TRNAU1AP: variants seen among roughly 807,000 people sequenced by gnomAD.
TRNAU1AP encodes tRNA selenocysteine 1-associated protein 1.
A neutral mutation model predicts 43.3 loss-of-function variants in TRNAU1AP; 33 were observed. That is an observed-to-expected ratio of 0.76 (90% CI 0.58 to 1.02). TRNAU1AP has a LOEUF of 1.02. TRNAU1AP is among the 50% of genes least tolerant of loss of function. The probability of loss-of-function intolerance (pLI) is 0.00; values close to 1 mark genes in which losing one functional copy is unlikely to be tolerated. For missense variants in TRNAU1AP, 290 were observed against 362.7 expected (o/e 0.80, Z 1.63); for synonymous variants, 143 against 129.1 (o/e 1.11, Z -0.73).
chr1:28,577,433 G>A, intron 8 of TRNAU1AP, 67 bp from the exon 9 acceptor site: 2 of 1,559,120 alleles, frequency 1.3e-6, no homozygotes, highest in Non-Finnish European at 1.7e-6. Flanking sequence ...CTGGGAGAAG[G>A]GAACTGAACC....
rs1489447971 is a variant in TRNAU1AP at position 28,561,374 on chromosome 1, C to T, written c.254C>T (p.Thr85Ile). 5 of 1,614,074 alleles carry T rather than the reference C, an allele frequency of 3.1e-6. No individual in the cohort carries two copies. In the African/African-American group the frequency reaches 6.7e-5, roughly 22 times the overall value. ...PAKRFKLNYA[T>I]YGKQPDNSPE... is the part of the protein sequence containing the mutation. ...AAACGTTTTAAACTGAACTATGCCA[C>T]TTACGGGAAACAACCAGATAACAGG... Residue 85 changes from threonine to isoleucine, a missense_variant, in exon 4 of 9, where the codon ACT becomes ATT. Around this residue, in one of 3 missense-constraint regions of TRNAU1AP, gnomAD observed 174 missense variants for 262.1 expected, o/e 0.66. Coordinates refer to ENST00000373830, the MANE Select transcript of TRNAU1AP (RefSeq NM_017846.5).
intron 5 of TRNAU1AP, 127 bp from the exon 6 acceptor site, chr1:28,567,167 T>G: frequency 1.0e-6 from 1 of 1,002,512 alleles, no homozygotes; most frequent in Non-Finnish European, 1.5e-6. Context: ...GGACTCTCTC[T>G]TTCTCTTCTC....
At chr1:28,564,266 G>GA (rs1665485720) in intron 4 of TRNAU1AP, among the ~76,000 whole-genome samples, 2 of 151,972 alleles carry the variant, frequency 1.3e-5, no homozygotes, top group South Asian at 4.1e-4. Flanking sequence ...CTCCATCTCA[G>GA]AAAAAAAGAT....
Position 28,577,918 on chromosome 1 carries a change from T to A in TRNAU1AP, c.*282T>A. The A allele has an allele frequency of 3.6e-6, 1 of 278,068 alleles. No individual in the cohort carries two copies. Among genetic ancestry groups the A allele is most frequent in the Non-Finnish European group, 6.8e-6 (1 of 147,050 alleles). 17.2% of individuals were successfully genotyped at this position (278,068 alleles called of 1,614,324 possible). ...AGTTTGGGATTATCCAAAACTGGGA[T>A]GAGCAGCTTGGGATAATTCACACAC... is the stretch of plus-strand genomic sequence containing the variant. On this transcript the variant is annotated 3_prime_UTR_variant, in exon 9 of 9. Transcript: ENST00000373830.
chr1:28,568,802 G>A (rs1188705166), intron 6 of TRNAU1AP, among the ~76,000 whole-genome samples: 3 of 151,368 alleles, frequency 2.0e-5, no homozygotes, highest in Admixed American at 1.3e-4. Flanking sequence ...TACCCTAAGA[G>A]TAGTTGAACT....
chr1:28,571,756 C>A, intron 7 of TRNAU1AP, 111 bp from the exon 8 acceptor site: 2 of 758,758 alleles, frequency 2.6e-6, no homozygotes, highest in South Asian at 1.5e-5. Context: ...ACACTCTAGT[C>A]TGGGTGACAG....
At chr1:28,574,561 C>T (rs1665732873) in intron 8 of TRNAU1AP, 1 of 152,086 alleles carries the variant, frequency 6.6e-6, no homozygotes, top group African/African-American at 2.4e-5. Context: ...CCCACCATAA[C>T]TGGCTATTTT....
At chr1:28,573,576 C>T (rs1383079595) in intron 8 of TRNAU1AP, among the ~76,000 whole-genome samples, 1 of 151,918 alleles carries the variant, frequency 6.6e-6, no homozygotes, top group East Asian at 1.9e-4. Flanking sequence ...AGTTCTAGAC[C>T]AGCCTGGCCA....
Position 28,554,822 on chromosome 1 carries a change from C to T in TRNAU1AP, c.125+1085C>T, listed in dbSNP as rs1417823910. Among the ~76,000 whole-genome samples, 9 of 145,838 alleles carry T rather than the reference C, an allele frequency of 6.2e-5. No homozygotes were observed. In the East Asian group the frequency reaches 1.2e-3, roughly 19 times the overall value. On this transcript the variant is annotated intron_variant, in intron 2 of 8. Coordinates refer to ENST00000373830, the MANE Select transcript of TRNAU1AP (RefSeq NM_017846.5). ...TCGCTCCACTCCACTCCAGCCTGGGCGACAGCTGAGACTCTGTCTCAAAAA... is the reference window on the plus strand; with the variant it reads ...TCGCTCCACTCCACTCCAGCCTGGGTGACAGCTGAGACTCTGTCTCAAAAA...
chr1:28,564,849 G>T lies in TRNAU1AP; in HGVS notation c.410+15G>T, dbSNP rs1280821912. The T allele has an allele frequency of 6.2e-7, 1 of 1,613,746 alleles. No homozygotes were observed. The highest frequency in any genetic ancestry group is 1.3e-5 in the African/African-American group (1 of 75,020). Reference sequence around the variant, plus strand: ...GGCGTGTCTAAGTAAGGCCTTACTTGTTACTGATGCTTAACTGTGTTAGTT... The same window carrying T: ...GGCGTGTCTAAGTAAGGCCTTACTTTTTACTGATGCTTAACTGTGTTAGTT... On this transcript the variant is annotated intron_variant, in intron 5 of 8. Coordinates refer to ENST00000373830, the MANE Select transcript of TRNAU1AP (RefSeq NM_017846.5).
At chr1:28,572,851 C>G (rs905585180) in intron 8 of TRNAU1AP, among the ~76,000 whole-genome samples, 1 of 151,192 alleles carries the variant, frequency 6.6e-6, no homozygotes, top group African/African-American at 2.4e-5. Flanking sequence ...AGGAGAATGG[C>G]GTGAACCCGG....
At chr1:28,564,858 G>A (rs1484839960) in intron 5 of TRNAU1AP, 24 bp downstream of exon 5, 11 of 1,613,414 alleles carry the variant, frequency 6.8e-6, no homozygotes, top group Non-Finnish European at 9.3e-6. Context: ...TGTTACTGAT[G>A]CTTAACTGTG....
chr1:28,560,406 G>A (rs376124515), intron 2 of TRNAU1AP, among the ~76,000 whole-genome samples: 2 of 151,286 alleles, frequency 1.3e-5, no homozygotes, highest in African/African-American at 2.4e-5. Context: ...TCAGTCTCCC[G>A]AGTAAGCTGG....
intron 8 of TRNAU1AP, among the ~76,000 whole-genome samples, chr1:28,575,370 G>T (rs1156895707): frequency 1.3e-5 from 2 of 151,662 alleles, no homozygotes; most frequent in African/African-American, 4.8e-5. Flanking sequence ...GGCCATGATG[G>T]TCTCTATCTT....
intron 8 of TRNAU1AP, among the ~76,000 whole-genome samples, chr1:28,573,798 A>G (rs895175554): frequency 6.6e-6 from 1 of 150,926 alleles, no homozygotes; most frequent in Non-Finnish European, 1.5e-5. Context: ...TTATCCAGGC[A>G]TGGTGGCCCA....
At position 28,577,712 on chromosome 1, in the gene TRNAU1AP, T is replaced by C; in HGVS notation, c.*76T>C. The C allele has an allele frequency of 1.4e-6, 2 of 1,450,588 alleles. No homozygotes were observed. Among genetic ancestry groups the C allele is most frequent in the Non-Finnish European group, 9.4e-7 (1 of 1,068,926 alleles). 89.9% of individuals were successfully genotyped at this position (1,450,588 alleles called of 1,614,324 possible). A position where few individuals can be genotyped will look rare whatever the true frequency, so the allele number is the denominator to read the frequency against. ...CCTTTTTAAAAATTGTGAAACCTTT[T>C]TGGAAATATGATTTGTAAGATTTTA... On this transcript the variant is annotated 3_prime_UTR_variant, in exon 9 of 9. Coordinates refer to ENST00000373830, the MANE Select transcript of TRNAU1AP (RefSeq NM_017846.5).
At chr1:28,556,007 C>G (rs1158020284) in intron 2 of TRNAU1AP, among the ~76,000 whole-genome samples, 1 of 152,092 alleles carries the variant, frequency 6.6e-6, no homozygotes, top group Non-Finnish European at 1.5e-5. Flanking sequence ...GCGCCCGCCA[C>G]CACGCCAGGC....
chr1:28,556,307 T>TA (rs1406473699), intron 2 of TRNAU1AP, among the ~76,000 whole-genome samples: 3 of 151,602 alleles, frequency 2.0e-5, no homozygotes, highest in African/African-American at 7.3e-5. Context: ...ACTAAAAAAA[T>TA]ACAAAAATTA....
At chr1:28,576,412 G>A (rs369857715) in intron 8 of TRNAU1AP, among the ~76,000 whole-genome samples, 10 of 149,722 alleles carry the variant, frequency 6.7e-5, no homozygotes, top group African/African-American at 1.2e-4. Context: ...TCCGCCTCCC[G>A]GGTTCAAGCG....
Sources: gnomAD v4.1 joint callset for allele counts (sites outside exome capture counted in the v4.1 genomes callset) on GRCh38, gnomAD v4.1.1 for gene constraint, gnomAD v4.1.1 regional missense constraint, MANE v1.5 for transcripts, NCBI Gene and HGNC (gene_info 2026-07-23, HGNC 2026-07-21) for gene names.